FAM83B: variants seen among roughly 807,000 people sequenced by gnomAD.
FAM83B encodes the protein protein FAM83B.
A neutral mutation model predicts 38.8 loss-of-function variants in FAM83B; 26 were observed. The observed-to-expected ratio is 0.67, with a 90% confidence interval of 0.49 to 0.93. The LOEUF is 0.93. Ranked by LOEUF, FAM83B falls within the 40% of genes least tolerant of loss-of-function variation. The probability of loss-of-function intolerance (pLI) is 0.00; values close to 1 mark genes in which losing one functional copy is unlikely to be tolerated. For synonymous variants in FAM83B, 419 were observed against 423.1 expected (o/e 0.99, Z 0.12); for missense variants, 1,237 against 1,197.3 (o/e 1.03, Z -0.49).
At chr6:54,853,888 G>T (rs1771375508) in intron 1 of FAM83B, among the ~76,000 whole-genome samples, 1 of 152,202 alleles carries the variant, frequency 6.6e-6, no homozygotes, top group African/African-American at 2.4e-5. Flanking sequence ...AATCTGGAAA[G>T]AAATCACCAT....
chr6:54,893,372 C>T (rs1485493705), intron 2 of FAM83B, among the ~76,000 whole-genome samples: 1 of 152,046 alleles, frequency 6.6e-6, no homozygotes, highest in Admixed American at 6.6e-5. Context: ...TTTGTTAATA[C>T]ATTTTATAAT....
intron 2 of FAM83B, among the ~76,000 whole-genome samples, chr6:54,901,617 A>T (rs1772663091): frequency 6.6e-6 from 1 of 152,216 alleles, no homozygotes; most frequent in African/African-American, 2.4e-5. Context: ...ATGTTGAAAC[A>T]TAACATTATA....
At chr6:54,938,580 C>A (rs1181739713) in intron 4 of FAM83B, among the ~76,000 whole-genome samples, 1 of 151,876 alleles carries the variant, frequency 6.6e-6, no homozygotes, top group Non-Finnish European at 1.5e-5. Context: ...TAAAGTGGTA[C>A]CTCATTGTGG....
chr6:54,907,479 T>G (rs1772799840), intron 2 of FAM83B, among the ~76,000 whole-genome samples: 2 of 152,138 alleles, frequency 1.3e-5, no homozygotes, highest in African/African-American at 4.8e-5. Flanking sequence ...CTTCAGTTCT[T>G]TATTCTCTTT....
intron 4 of FAM83B, 126 bp downstream of exon 4, chr6:54,927,758 A>G (rs944146952): frequency 1.3e-6 from 1 of 746,148 alleles, no homozygotes; most frequent in Non-Finnish European, 1.9e-6. Flanking sequence ...AAAAAAAGAG[A>G]ACACTTGCAT....
intron 1 of FAM83B, among the ~76,000 whole-genome samples, chr6:54,853,764 G>A (rs942777056): frequency 6.6e-6 from 1 of 152,174 alleles, no homozygotes; most frequent in African/African-American, 2.4e-5. Flanking sequence ...CATAGCACAT[G>A]GATCAAGAAG....
intron 2 of FAM83B, among the ~76,000 whole-genome samples, chr6:54,909,919 A>C (rs1772867549): frequency 6.6e-6 from 1 of 152,206 alleles, no homozygotes. Flanking sequence ...CATGAGCATG[A>C]TATTGGGAAA....
intron 2 of FAM83B, among the ~76,000 whole-genome samples, chr6:54,878,667 A>T (rs1376875245): frequency 6.6e-6 from 1 of 152,202 alleles, no homozygotes; most frequent in Non-Finnish European, 1.5e-5. Flanking sequence ...GGAAACATGG[A>T]GGCTAGATCT....
chr6:54,932,847 T>C (rs1459671307), intron 4 of FAM83B, among the ~76,000 whole-genome samples: 1 of 152,182 alleles, frequency 6.6e-6, no homozygotes, highest in Admixed American at 6.6e-5. Context: ...GAAGCTCCCT[T>C]GTATGTGACA....
chr6:54,928,860 A>G (rs1210992191), intron 4 of FAM83B, among the ~76,000 whole-genome samples: 1 of 152,170 alleles, frequency 6.6e-6, no homozygotes, highest in African/African-American at 2.4e-5. Context: ...TTTTGCTGCC[A>G]CTAGATATTA....
intron 2 of FAM83B, among the ~76,000 whole-genome samples, chr6:54,878,026 C>T (rs1772039968): frequency 6.6e-6 from 1 of 152,144 alleles, no homozygotes; most frequent in African/African-American, 2.4e-5. Context: ...AGATGAGGTG[C>T]TAGTACCCAG....
chr6:54,876,224 ACC>A (rs1189895402), intron 2 of FAM83B, among the ~76,000 whole-genome samples: 1 of 148,360 alleles, frequency 6.7e-6, no homozygotes, highest in Non-Finnish European at 1.5e-5. Flanking sequence ...ACTAACCAAT[ACC>A]TCTATTAATA....
intron 3 of FAM83B, 104 bp from the exon 4 acceptor site, chr6:54,927,404 A>T: frequency 1.1e-6 from 1 of 898,158 alleles, no homozygotes; most frequent in African/African-American, 1.7e-5. Context: ...AATTACCTTA[A>T]GTAAATTTTT....
At chr6:54,889,402 A>G (rs1372050226) in intron 2 of FAM83B, among the ~76,000 whole-genome samples, 2 of 152,106 alleles carry the variant, frequency 1.3e-5, no homozygotes, top group African/African-American at 2.4e-5. Flanking sequence ...AGTGTTGTCT[A>G]TTTAAGCTAC....
At chr6:54,886,662 G>A (rs1004901581) in intron 2 of FAM83B, among the ~76,000 whole-genome samples, 2 of 151,510 alleles carry the variant, frequency 1.3e-5, no homozygotes, top group East Asian at 1.9e-4. Flanking sequence ...GTTCTTTTTC[G>A]TGACTAGTTT....
At chr6:54,916,005 A>G (rs943432420) in intron 2 of FAM83B, among the ~76,000 whole-genome samples, 2 of 151,992 alleles carry the variant, frequency 1.3e-5, no homozygotes, top group African/African-American at 2.4e-5. Flanking sequence ...CAATTGACCA[A>G]ATTTACCATT....
At chr6:54,879,606 GAAGTA>G (rs1474663709) in intron 2 of FAM83B, among the ~76,000 whole-genome samples, 1 of 152,114 alleles carries the variant, frequency 6.6e-6, no homozygotes, top group Non-Finnish European at 1.5e-5. Flanking sequence ...GAGCGTGAGA[GAAGTA>G]GAGTAGGGTG....
At chr6:54,917,470 A>G (rs1358729546) in intron 2 of FAM83B, among the ~76,000 whole-genome samples, 1 of 152,208 alleles carries the variant, frequency 6.6e-6, no homozygotes, top group East Asian at 1.9e-4. Flanking sequence ...TAAATTAATA[A>G]TTTAATCATT....
Position 54,862,868 on chromosome 6 carries a change from A to C in FAM83B, c.-60-7319A>C, listed in dbSNP as rs553593533. Reference sequence around the variant, plus strand: ...CATTGCACTCCAGGCTGGGTGCAAAAACCCCCCCCCAAAAAAACCACGAAA... The same window carrying C: ...CATTGCACTCCAGGCTGGGTGCAAACACCCCCCCCCAAAAAAACCACGAAA... On this transcript the variant is annotated intron_variant, in intron 1 of 4. Coordinates refer to ENST00000306858, the MANE Select transcript of FAM83B (RefSeq NM_001010872.3). Among the ~76,000 whole-genome samples the C allele has an allele frequency of 2.9e-4, 43 of 149,358 alleles. No individual in the cohort carries two copies. In the East Asian group the frequency reaches 4.1e-3, roughly 14 times the overall value.
Sources: allele counts gnomAD v4.1 joint callset (sites outside exome capture counted in the v4.1 genomes callset), GRCh38; gene constraint gnomAD v4.1.1; transcripts MANE v1.5; gene names NCBI Gene and HGNC (gene_info 2026-07-23, HGNC 2026-07-21).